GTF2A1: variants seen among roughly 807,000 people sequenced by gnomAD.
GTF2A1 encodes transcription initiation factor IIA subunit 1.
GTF2A1 carries 12 observed loss-of-function variants against 54.1 expected under a neutral mutation model. The ratio of observed to expected loss-of-function variants is 0.22; its 90% CI spans 0.14 to 0.36. The LOEUF is 0.36. Ranked by LOEUF, GTF2A1 falls within the 10% of genes least tolerant of loss-of-function variation. GTF2A1 has a pLI of 1.00. For synonymous variants in GTF2A1, 145 were observed against 152.0 expected (o/e 0.95, Z 0.34); for missense variants, 335 against 442.2 (o/e 0.76, Z 2.17).
chr14:81,196,297 G>A, intron 5 of GTF2A1, 56 bp from the exon 6 acceptor site: 1 of 1,568,144 alleles, frequency 6.4e-7, no homozygotes, highest in Non-Finnish European at 8.8e-7. Context: ...CATCTCAAAA[G>A]AAATGAATTC....
At position 81,175,874 on chromosome 14, in the gene GTF2A1, ATTTG is replaced by A. The variant is rs1401354824; in HGVS notation, c.*4345_*4348del. The A allele has an allele frequency of 6.6e-6, 1 of 152,202 alleles. No homozygotes were observed. The highest frequency in any genetic ancestry group is 6.5e-5 in the Admixed American group (1 of 15,280). 9.4% of individuals were successfully genotyped at this position (152,202 alleles called of 1,614,324 possible). A position where few individuals can be genotyped will look rare whatever the true frequency, so the allele number is the denominator to read the frequency against. The stretch of plus-strand genomic sequence containing the variant: ...TTAATTATACCAATTTTTAGTTATA[ATTTG>A]TTAGTGTGAATTCGCCCAACCTAAA... On this transcript the variant is annotated 3_prime_UTR_variant, in exon 9 of 9. Transcript: ENST00000553612.
chr14:81,187,172 G>A (rs542441301), intron 7 of GTF2A1, among the ~76,000 whole-genome samples: 8 of 151,894 alleles, frequency 5.3e-5, no homozygotes, highest in Non-Finnish European at 1.2e-4. Flanking sequence ...GGCTAACACG[G>A]TGAAACCCCG....
At chr14:81,207,407 G>A (rs987691384) in intron 2 of GTF2A1, among the ~76,000 whole-genome samples, 24 of 152,034 alleles carry the variant, frequency 1.6e-4, no homozygotes, top group African/African-American at 2.4e-4. Context: ...TTCACCTACC[G>A]CCATGATTTT....
chr14:81,195,182 G>C (rs1197657199), intron 6 of GTF2A1, among the ~76,000 whole-genome samples: 1 of 151,096 alleles, frequency 6.6e-6, no homozygotes, highest in Non-Finnish European at 1.5e-5. Context: ...CAGGTTAGGA[G>C]GGCAAAAGAT....
At chr14:81,198,747 C>T (rs1489118367) in intron 4 of GTF2A1, among the ~76,000 whole-genome samples, 1 of 152,094 alleles carries the variant, frequency 6.6e-6, no homozygotes, top group African/African-American at 2.4e-5. Context: ...TAGAACTACC[C>T]ATATCTGAAA....
intron 8 of GTF2A1, among the ~76,000 whole-genome samples, chr14:81,181,976 A>G (rs1367282483): frequency 6.6e-6 from 1 of 152,230 alleles, no homozygotes; most frequent in East Asian, 1.9e-4. Context: ...CAGTGAGCAA[A>G]GAATTTCAAA....
intron 2 of GTF2A1, among the ~76,000 whole-genome samples, chr14:81,211,657 T>C (rs1893366268): frequency 6.6e-6 from 1 of 151,948 alleles, no homozygotes; most frequent in Non-Finnish European, 1.5e-5. Context: ...AGAGGTTAGG[T>C]GGCTAAACCT....
chr14:81,219,163 G>A (rs1212619220), intron 1 of GTF2A1, among the ~76,000 whole-genome samples: 4 of 152,146 alleles, frequency 2.6e-5, no homozygotes, highest in Non-Finnish European at 4.4e-5. Flanking sequence ...CAGCGATTCG[G>A]ATATATTCCC....
chr14:81,192,623 C>T lies in GTF2A1; in HGVS notation c.829G>A (p.Gly277Arg). ...TCATCTTCTTCAGATGATGTATCCC[C>T]AGTTCCATCAACTTGTAAGACCAAT... ...APLVLQVDGT[G>R]DTSSEEDEDE... The change falls in exon 7 of 9, where the codon GGG (glycine) becomes AGG (arginine). Residue 277 changes from glycine to arginine, a missense_variant. By Grantham distance (125) the Gly-to-Arg change is moderately radical. Transcript: ENST00000553612. The T allele has an allele frequency of 6.2e-7, 1 of 1,610,856 alleles. No individual in the cohort carries two copies. The highest frequency in any genetic ancestry group is 8.5e-7 in the Non-Finnish European group (1 of 1,176,934).
intron 7 of GTF2A1, among the ~76,000 whole-genome samples, chr14:81,188,978 G>A (rs79301331): frequency 0.011 from 1,654 of 152,228 alleles, 40 homozygotes; most frequent in African/African-American, 0.038. Flanking sequence ...AGACTATTCT[G>A]TCCCTACTGA....
At chr14:81,208,526 G>A (rs986406443) in intron 2 of GTF2A1, among the ~76,000 whole-genome samples, 6 of 152,210 alleles carry the variant, frequency 3.9e-5, no homozygotes, top group Admixed American at 2.0e-4. Context: ...AGTCCCTACT[G>A]GGGCAGTGCC....
intron 5 of GTF2A1, among the ~76,000 whole-genome samples, chr14:81,196,556 G>C (rs185131755): frequency 6.6e-6 from 1 of 152,184 alleles, no homozygotes; most frequent in South Asian, 2.1e-4. Context: ...CCTTAGGAGT[G>C]AAGAAAGAGC....
intron 3 of GTF2A1, 89 bp downstream of exon 3, chr14:81,203,811 A>G (rs1436270576): frequency 1.7e-6 from 2 of 1,154,482 alleles, no homozygotes; most frequent in Non-Finnish European, 2.6e-6. Context: ...CTTAAAAGAC[A>G]AGATCCAAAA....
At chr14:81,184,165 GA>G (rs1290592125) in intron 8 of GTF2A1, among the ~76,000 whole-genome samples, 1 of 152,092 alleles carries the variant, frequency 6.6e-6, no homozygotes, top group Non-Finnish European at 1.5e-5. Context: ...TGTGCCAAAG[GA>G]GAATACAACC....
At chr14:81,200,263 G>C (rs1893075516) in intron 4 of GTF2A1, among the ~76,000 whole-genome samples, 1 of 152,076 alleles carries the variant, frequency 6.6e-6, no homozygotes, top group African/African-American at 2.4e-5. Flanking sequence ...AACCACAAAT[G>C]AACTTTGTGA....
At position 81,220,683 on chromosome 14, in the gene GTF2A1, AGAG is replaced by A. The variant is rs1382828188; in HGVS notation, c.-168_-166del. On this transcript the variant is annotated 5_prime_UTR_variant, in exon 1 of 9. Transcript: ENST00000553612. ...CCTGAAGGAGTAGGGGAGAGCGGAG[AGAG>A]GAGGAGGAGGGGGGCACTCCTCCCG... is the stretch of plus-strand genomic sequence containing the variant. The A allele has an allele frequency of 2.4e-4, 82 of 343,570 alleles. No homozygotes were observed. Among genetic ancestry groups the A allele is most frequent in the Non-Finnish European group, 3.2e-4 (61 of 191,192 alleles). 21.3% of individuals were successfully genotyped at this position (343,570 alleles called of 1,614,324 possible).
In GTF2A1 at chr14:81,197,266, CAAAT is replaced by C. The variant is rs1893012072; in HGVS notation, c.478+139_478+142del. The C allele has an allele frequency of 3.8e-5, 22 of 583,524 alleles. 1 individual carries two copies. The highest frequency in any genetic ancestry group is 3.6e-4 in the South Asian group (16 of 44,568). 36.1% of individuals were successfully genotyped at this position (583,524 alleles called of 1,614,324 possible). A position where few individuals can be genotyped will look rare whatever the true frequency, so the allele number is the denominator to read the frequency against. ...TTACAGTTATATGTGTTACAGCCCT[CAAAT>C]AAAGTTATTTTAATAACCTAAACCA... On this transcript the variant is annotated intron_variant, in intron 5 of 8. Transcript: ENST00000553612.
At chr14:81,195,981 T>C (rs1892983704) in intron 6 of GTF2A1, 127 bp downstream of exon 6, 5 of 764,790 alleles carry the variant, frequency 6.5e-6, no homozygotes, top group South Asian at 5.3e-5. Context: ...CAGGAGAAAT[T>C]TGAAACAACT....
rs1892771273 is a variant in GTF2A1, at chr14:81,187,286, C to T, written c.934-1666G>A. 2.7e-5 allele frequency among the ~76,000 whole-genome samples: 4 copies of T among 150,104 alleles called. No individual in the cohort carries two copies. In the South Asian group the frequency reaches 8.4e-4, roughly 32 times the overall value. ...AGGAGAATGGCGGGAACCCAGAAGGCGGAGCCTGCAGTAAGCCAAGATTGC... is the reference window on the plus strand; with the variant it reads ...AGGAGAATGGCGGGAACCCAGAAGGTGGAGCCTGCAGTAAGCCAAGATTGC... On this transcript the variant is annotated intron_variant, in intron 7 of 8. Transcript: ENST00000553612.
Sources: gnomAD v4.1 joint callset for allele counts (sites outside exome capture counted in the v4.1 genomes callset) on GRCh38, gnomAD v4.1.1 for gene constraint, MANE v1.5 for transcripts, NCBI Gene and HGNC (gene_info 2026-07-23, HGNC 2026-07-21) for gene names.